CENPP: variants seen among roughly 807,000 people sequenced by gnomAD.
CENPP encodes the protein centromere protein P.
CENPP carries 24 observed loss-of-function variants against 35.6 expected under a neutral mutation model. That is an observed-to-expected ratio of 0.67 (90% CI 0.49 to 0.95). The LOEUF (loss-of-function observed/expected upper bound fraction) is 0.95, where lower values mean the gene tolerates loss of function less well. CENPP is among the 40% of genes least tolerant of loss of function. The pLI, the probability that CENPP is intolerant of heterozygous loss-of-function variation, is 0.00. For missense variants in CENPP, 332 were observed against 345.3 expected, an observed-to-expected ratio of 0.96 and a Z score of 0.31; for synonymous variants, 120 against 125.5, an observed-to-expected ratio of 0.96 and a Z score of 0.29.
chr9:92,445,085 T>G (rs990923450), intron 5 of CENPP, among the ~76,000 whole-genome samples: 2 of 152,136 alleles, frequency 1.3e-5, no homozygotes, highest in Non-Finnish European at 2.9e-5. Flanking sequence ...GCTTCTGCAC[T>G]AAACCCTCTG....
At chr9:92,372,609 C>T (rs1412517344) in intron 4 of CENPP, among the ~76,000 whole-genome samples, 1 of 152,132 alleles carries the variant, frequency 6.6e-6, no homozygotes, top group African/African-American at 2.4e-5. Flanking sequence ...TTGAGCATTT[C>T]TTCTAGGGAT....
chr9:92,424,958 G>A (rs1324401420), intron 5 of CENPP, among the ~76,000 whole-genome samples: 4 of 152,182 alleles, frequency 2.6e-5, no homozygotes, highest in Non-Finnish European at 5.9e-5. Flanking sequence ...TTACAGGCAT[G>A]AGCCACCACG....
intron 5 of CENPP, among the ~76,000 whole-genome samples, chr9:92,392,443 G>A (rs941581972): frequency 1.2e-4 from 19 of 152,108 alleles, no homozygotes; most frequent in Admixed American, 2.6e-4. Context: ...CCAACATGGT[G>A]AAACCCCATC....
intron 5 of CENPP, among the ~76,000 whole-genome samples, chr9:92,545,016 G>A (rs1485976232): frequency 6.6e-6 from 1 of 152,154 alleles, no homozygotes; most frequent in East Asian, 1.9e-4. Context: ...GAGCAACCAC[G>A]CCCATCTTAC....
intron 2 of CENPP, among the ~76,000 whole-genome samples, chr9:92,335,739 ACCTAT>A (rs1022308237): frequency 3.9e-5 from 6 of 152,126 alleles, no homozygotes; most frequent in Admixed American, 3.9e-4. Context: ...TGTTCTATTG[ACCTAT>A]TTGTATACTC....
chr9:92,478,871 T>C (rs1845809232), intron 5 of CENPP, among the ~76,000 whole-genome samples: 1 of 151,666 alleles, frequency 6.6e-6, no homozygotes. Context: ...ACAAAAAAAC[T>C]ATGGAACTTA....
At chr9:92,522,977 A>C (rs550283383) in intron 5 of CENPP, 2 of 1,278,972 alleles carry the variant, frequency 1.6e-6, no homozygotes, top group East Asian at 5.0e-5. Context: ...TGTATGCCTC[A>C]GTAGGCAAGT....
At chr9:92,528,299 G>A (rs1373754218) in intron 5 of CENPP, among the ~76,000 whole-genome samples, 1 of 152,172 alleles carries the variant, frequency 6.6e-6, no homozygotes, top group African/African-American at 2.4e-5. Flanking sequence ...TCCCTCAAGG[G>A]AGTTGCAGTG....
rs57278990 is a variant in CENPP, at chr9:92,335,580, CT to C, written c.290-1949del. Among the ~76,000 whole-genome samples, 584 of 143,280 alleles carry C rather than the reference CT, an allele frequency of 4.1e-3. 1 individual carries two copies. Among genetic ancestry groups the C allele is most frequent in the African/African-American group, 8.0e-3 (317 of 39,490 alleles). The allele number at this position is 143,280 out of a possible 152,430, so 94.0% of individuals were successfully genotyped here. On this transcript the variant is annotated intron_variant, in intron 2 of 7. Coordinates refer to ENST00000375587, the MANE Select transcript of CENPP (RefSeq NM_001012267.3). ...GAAAGGTATAGTCAGTGTCTAGATTCTTTTTTTTTTTTGTTTTGCATATGGA... is the reference window on the plus strand; with the variant it reads ...GAAAGGTATAGTCAGTGTCTAGATTCTTTTTTTTTTTGTTTTGCATATGGA...
At chr9:92,457,417 C>T in intron 5 of CENPP, 5 of 1,613,874 alleles carry the variant, frequency 3.1e-6, no homozygotes, top group Non-Finnish European at 4.2e-6. Flanking sequence ...ATTTCTTCAT[C>T]TTTGGCACTG....
chr9:92,496,542 G>C lies in CENPP; in HGVS notation c.565-114772G>C, dbSNP rs375300209. Reference sequence around the variant, plus strand: ...TCCCAGTAATAATCTGCCTTTAGGAGTTAAGTTTAACATTTGTTAAAAAAA... The same window carrying C: ...TCCCAGTAATAATCTGCCTTTAGGACTTAAGTTTAACATTTGTTAAAAAAA... On this transcript the variant is annotated intron_variant, in intron 5 of 7. Transcript: ENST00000375587. 4 of 1,557,094 alleles carry C rather than the reference G, an allele frequency of 2.6e-6. No individual in the cohort carries two copies. The African/African-American group carries it at 4.2e-5, about 16-fold the overall frequency.
At chr9:92,545,144 C>T (rs1311631126) in intron 5 of CENPP, among the ~76,000 whole-genome samples, 3 of 152,220 alleles carry the variant, frequency 2.0e-5, no homozygotes, top group Admixed American at 6.5e-5. Flanking sequence ...CCACTCTGGC[C>T]GTGCTTGAGG....
intron 5 of CENPP, among the ~76,000 whole-genome samples, chr9:92,460,736 C>G (rs1186184255): frequency 1.3e-5 from 2 of 152,012 alleles, no homozygotes; most frequent in African/African-American, 4.8e-5. Context: ...GAGTGCAGTG[C>G]CGTGATATCA....
intron 5 of CENPP, among the ~76,000 whole-genome samples, chr9:92,473,401 G>C (rs1845598660): frequency 6.6e-6 from 1 of 152,134 alleles, no homozygotes; most frequent in Non-Finnish European, 1.5e-5. Context: ...CTGGAATTTT[G>C]ACTTACAAAG....
At chr9:92,554,120 G>A (rs182618524) in intron 5 of CENPP, among the ~76,000 whole-genome samples, 1 of 152,122 alleles carries the variant, frequency 6.6e-6, no homozygotes, top group African/African-American at 2.4e-5. Context: ...ATCGTAAAGC[G>A]ATGCTGGATT....
At chr9:92,528,552 G>A (rs62572509) in intron 5 of CENPP, among the ~76,000 whole-genome samples, 6,063 of 67,616 alleles carry the variant, frequency 0.09, 186 homozygotes, top group Middle Eastern at 0.14. Flanking sequence ...GGAAAACAAA[G>A]CAAAACAAAA....
chr9:92,364,035 A>G (rs1389034053), intron 4 of CENPP, among the ~76,000 whole-genome samples: 3 of 151,950 alleles, frequency 2.0e-5, no homozygotes, highest in African/African-American at 7.3e-5. Context: ...TTTTTGGTAG[A>G]GATGGGTTTT....
intron 5 of CENPP, among the ~76,000 whole-genome samples, chr9:92,453,803 C>T (rs988011657): frequency 2.0e-5 from 3 of 151,956 alleles, no homozygotes; most frequent in African/African-American, 4.8e-5. Flanking sequence ...TTAAGGGAAA[C>T]GAAAATTGAA....
At chr9:92,516,554 C>T (rs1847736362) in intron 5 of CENPP, among the ~76,000 whole-genome samples, 1 of 152,128 alleles carries the variant, frequency 6.6e-6, no homozygotes, top group Admixed American at 6.5e-5. Flanking sequence ...TCTAGCAAAA[C>T]ATGCAGAAGA....
Sources: allele counts gnomAD v4.1 joint callset (sites outside exome capture counted in the v4.1 genomes callset), GRCh38; gene constraint gnomAD v4.1.1; transcripts MANE v1.5; gene names NCBI Gene and HGNC (gene_info 2026-07-23, HGNC 2026-07-21).